RABEP1: variants seen among roughly 807,000 people sequenced by gnomAD.
RABEP1 encodes rab GTPase-binding effector protein 1.
In RABEP1, 51 loss-of-function variants were observed where a neutral mutation model predicts 123.4. That is an observed-to-expected ratio of 0.41 (90% confidence interval 0.33 to 0.52). The LOEUF is 0.52. RABEP1 is among the 20% of genes least tolerant of loss of function. The pLI, the probability that RABEP1 is intolerant of heterozygous loss-of-function variation, is 0.16. For missense variants in RABEP1, 888 were observed against 996.3 expected, an observed-to-expected ratio of 0.89 and a Z score of 1.46; for synonymous variants, 347 against 355.2, an observed-to-expected ratio of 0.98 and a Z score of 0.26.
At chr17:5,328,162 A>C (rs1906157874) in intron 2 of RABEP1, among the ~76,000 whole-genome samples, 1 of 152,228 alleles carries the variant, frequency 6.6e-6, no homozygotes, top group Non-Finnish European at 1.5e-5. Flanking sequence ...TGATAAACCC[A>C]AATTCCTGAC....
chr17:5,325,527 G>C (rs190360170), intron 2 of RABEP1, among the ~76,000 whole-genome samples: 9 of 152,202 alleles, frequency 5.9e-5, no homozygotes, highest in Admixed American at 5.9e-4. Flanking sequence ...AGGGAAAGCG[G>C]GGGTCTGGGG....
chr17:5,316,832 C>CAAAAAAAAAAAAAAAAAAAAAAAAAAAA (rs55890740), intron 2 of RABEP1, among the ~76,000 whole-genome samples: 2 of 67,176 alleles, frequency 3.0e-5, no homozygotes, highest in Non-Finnish European at 5.3e-5. Context: ...GACTCTGTCT[C>CAAAAAAAAAAAAAAAAAAAAAAAAAAAA]AAAAAAAAAA....
At position 5,290,236 on chromosome 17, in the gene RABEP1, C is replaced by T. The variant is rs367716462; in HGVS notation, c.34+7716C>T. ...CCAAGTAGTTGGGACTACAGGCGCC[C>T]GCCACCACACCCGGCTAATTTTTTT... On this transcript the variant is annotated intron_variant, in intron 1 of 17. Coordinates refer to ENST00000537505, the MANE Select transcript of RABEP1 (RefSeq NM_004703.6). 2.6e-4 allele frequency among the ~76,000 whole-genome samples: 40 copies of T among 152,254 alleles called. 1 individual carries two copies. The South Asian group carries it at 6.2e-3, about 24-fold the overall frequency.
chr17:5,366,628 T>C (rs1453446328), intron 11 of RABEP1, among the ~76,000 whole-genome samples: 1 of 151,934 alleles, frequency 6.6e-6, no homozygotes, highest in Non-Finnish European at 1.5e-5. Flanking sequence ...GTAGTTTTAG[T>C]AGAGATGGGG....
chr17:5,309,314 A>G (rs2144523196), intron 2 of RABEP1, among the ~76,000 whole-genome samples: 1 of 151,118 alleles, frequency 6.6e-6, no homozygotes, highest in African/African-American at 2.5e-5. Flanking sequence ...GAACTCAATG[A>G]GCAAAACAGA....
chr17:5,349,859 G>T (rs1262012666), intron 6 of RABEP1, among the ~76,000 whole-genome samples: 2 of 152,118 alleles, frequency 1.3e-5, no homozygotes, highest in African/African-American at 4.8e-5. Context: ...TTATGGAGGA[G>T]CCTTTGCAAA....
At chr17:5,297,620 A>G (rs1049174628) in intron 1 of RABEP1, among the ~76,000 whole-genome samples, 3 of 152,176 alleles carry the variant, frequency 2.0e-5, no homozygotes, top group Admixed American at 6.6e-5. Flanking sequence ...TGCCTATTTT[A>G]TGGTTTGGTT....
intron 4 of RABEP1, among the ~76,000 whole-genome samples, chr17:5,337,597 G>A (rs1907215622): frequency 1.3e-5 from 2 of 152,170 alleles, no homozygotes; most frequent in Non-Finnish European, 2.9e-5. Flanking sequence ...GGAGGCTGAG[G>A]CAGGAGAATG....
chr17:5,374,991 G>A (rs992319240), intron 13 of RABEP1, among the ~76,000 whole-genome samples: 3 of 151,972 alleles, frequency 2.0e-5, no homozygotes, highest in Non-Finnish European at 4.4e-5. Flanking sequence ...TGGCCAGGCT[G>A]GTCTCGAACT....
chr17:5,357,852 A>G (rs1339098652), intron 8 of RABEP1, among the ~76,000 whole-genome samples: 1 of 152,226 alleles, frequency 6.6e-6, no homozygotes, highest in Non-Finnish European at 1.5e-5. Context: ...AGAGAAAAGC[A>G]TGGGCCATAG....
chr17:5,325,800 AT>A (rs1251447717), intron 2 of RABEP1, among the ~76,000 whole-genome samples: 7 of 152,238 alleles, frequency 4.6e-5, no homozygotes, highest in Non-Finnish European at 1.0e-4. Flanking sequence ...ACATTAATGT[AT>A]TATCACATGT....
intron 2 of RABEP1, among the ~76,000 whole-genome samples, chr17:5,313,618 G>C (rs182105094): frequency 3.3e-5 from 5 of 152,170 alleles, no homozygotes; most frequent in Admixed American, 2.0e-4. Context: ...CTTGTAACAT[G>C]GGTTGGTTCA....
At chr17:5,292,115 G>T (rs1162999233) in intron 1 of RABEP1, among the ~76,000 whole-genome samples, 3 of 152,152 alleles carry the variant, frequency 2.0e-5, no homozygotes, top group Non-Finnish European at 4.4e-5. Context: ...TAGAAAGCCA[G>T]TTCTAGTTTA....
intron 2 of RABEP1, among the ~76,000 whole-genome samples, chr17:5,318,240 T>C (rs1482416849): frequency 1.3e-5 from 2 of 152,180 alleles, no homozygotes. Context: ...TTCAGTCTTC[T>C]TAGACTGAAT....
At chr17:5,367,510 C>T (rs1002984240) in intron 11 of RABEP1, among the ~76,000 whole-genome samples, 1 of 151,580 alleles carries the variant, frequency 6.6e-6, no homozygotes, top group Non-Finnish European at 1.5e-5. Context: ...ACTTTGTGAT[C>T]CATCCGCCTC....
At chr17:5,372,785 C>T (rs1189345303) in intron 12 of RABEP1, among the ~76,000 whole-genome samples, 1 of 149,262 alleles carries the variant, frequency 6.7e-6, no homozygotes, top group East Asian at 2.0e-4. Flanking sequence ...GAGATGGAGT[C>T]TTGCTCTGTG....
At chr17:5,293,213 G>T (rs2075049283) in intron 1 of RABEP1, among the ~76,000 whole-genome samples, 1 of 151,996 alleles carries the variant, frequency 6.6e-6, no homozygotes, top group Non-Finnish European at 1.5e-5. Flanking sequence ...CTTGAATCTG[G>T]GAGGTAGAGG....
chr17:5,332,564 C>T (rs945883198), intron 3 of RABEP1, among the ~76,000 whole-genome samples: 3 of 151,252 alleles, frequency 2.0e-5, no homozygotes, highest in African/African-American at 4.9e-5. Context: ...TAATTATTGC[C>T]CTTCCAGTGT....
At chr17:5,323,248 A>G (rs115938674) in intron 2 of RABEP1, among the ~76,000 whole-genome samples, 1 of 152,290 alleles carries the variant, frequency 6.6e-6, no homozygotes, top group African/African-American at 2.4e-5. Context: ...ACCCACAACT[A>G]GCATCATACT....
Sources: allele counts gnomAD v4.1 joint callset (sites outside exome capture counted in the v4.1 genomes callset), GRCh38; gene constraint gnomAD v4.1.1; transcripts MANE v1.5; gene names NCBI Gene and HGNC (gene_info 2026-07-23, HGNC 2026-07-21).